ACO2: variants seen among roughly 807,000 people sequenced by gnomAD.
The protein encoded by ACO2 is aconitase 2, also known as aconitate hydratase, mitochondrial.
Under a neutral mutation model 84.5 loss-of-function variants are expected in ACO2, and 31 were observed. That is an observed-to-expected ratio of 0.37 (90% CI 0.28 to 0.50). The LOEUF (loss-of-function observed/expected upper bound fraction) is 0.50. Ranked by LOEUF, ACO2 falls within the 20% of genes least tolerant of loss-of-function variation. The pLI, the probability that ACO2 is intolerant of heterozygous loss-of-function variation, is 0.97. For missense variants in ACO2, 685 were observed against 1,029.3 expected, an observed-to-expected ratio of 0.67 and a Z score of 4.58; for synonymous variants, 414 against 412.7, an observed-to-expected ratio of 1.00 and a Z score of -0.04.
intron 9 of ACO2, 93 bp downstream of exon 9, chr22:41,520,369 C>T: frequency 1.0e-6 from 1 of 976,582 alleles, no homozygotes; most frequent in Non-Finnish European, 1.5e-6. Context: ...CTGTGTGGCA[C>T]TTTCTAAGGT....
intron 7 of ACO2, 42 bp from the exon 8 acceptor site, chr22:41,518,439 T>G (rs749239410): frequency 6.7e-7 from 1 of 1,500,780 alleles, no homozygotes; most frequent in Admixed American, 1.7e-5. Context: ...CAAGAACAGT[T>G]TATGTTTCAC....
chr22:41,472,711 G>A (rs1171022994), intron 1 of ACO2, among the ~76,000 whole-genome samples: 4 of 152,156 alleles, frequency 2.6e-5, no homozygotes, highest in African/African-American at 9.7e-5. Context: ...GCTTCCCAAA[G>A]TGCTGAGATT....
At chr22:41,517,475 TG>T in intron 6 of ACO2, 51 bp from the exon 7 acceptor site, 1 of 1,505,724 alleles carries the variant, frequency 6.6e-7, no homozygotes, top group Non-Finnish European at 9.2e-7. Flanking sequence ...AGCAGGTGTG[TG>T]GGACCCTGGC....
At chr22:41,472,352 C>CAA (rs1304914957) in intron 1 of ACO2, among the ~76,000 whole-genome samples, 18 of 74,194 alleles carry the variant, frequency 2.4e-4, no homozygotes, top group East Asian at 3.7e-4. Flanking sequence ...GACTCCGTCT[C>CAA]AAAAAAAAAA....
intron 1 of ACO2, among the ~76,000 whole-genome samples, chr22:41,498,515 G>A (rs1273041897): frequency 6.6e-6 from 1 of 152,150 alleles, no homozygotes; most frequent in Non-Finnish European, 1.5e-5. Flanking sequence ...GATGTCAGCC[G>A]GGGCTAGCCA....
chr22:41,507,683 C>T, intron 2 of ACO2, 108 bp from the exon 3 acceptor site: 1 of 1,469,278 alleles, frequency 6.8e-7, no homozygotes. Context: ...TTCAGACTCC[C>T]TGTCCCTGGC....
chr22:41,494,730 G>A (rs1010300680), intron 1 of ACO2, among the ~76,000 whole-genome samples: 7 of 150,280 alleles, frequency 4.7e-5, no homozygotes, highest in African/African-American at 1.7e-4. Context: ...ATCAACATAT[G>A]ATTTTGTCCT....
intron 2 of ACO2, among the ~76,000 whole-genome samples, chr22:41,504,219 G>C (rs566683892): frequency 1.5e-4 from 23 of 152,318 alleles, no homozygotes; most frequent in African/African-American, 5.5e-4. Flanking sequence ...CAGAGGAAGA[G>C]ACTCTGGCTC....
At chr22:41,525,172 C>G in intron 13 of ACO2, 21 bp from the exon 14 acceptor site, 2 of 1,611,872 alleles carry the variant, frequency 1.2e-6, no homozygotes, top group Non-Finnish European at 1.7e-6. Flanking sequence ...GCACCCCACG[C>G]ATCCCCATTC....
intron 9 of ACO2, among the ~76,000 whole-genome samples, chr22:41,521,035 CAA>C (rs375633363): frequency 1.2e-5 from 1 of 81,620 alleles, no homozygotes; most frequent in Non-Finnish European, 2.2e-5. Context: ...AGCCTGCCTC[CAA>C]AAAAAAAAAA....
Position 41,528,924 on chromosome 22 carries a change from G to A in ACO2, c.*311G>A, listed in dbSNP as rs2066663289. 2 of 510,506 alleles carry A rather than the reference G, an allele frequency of 3.9e-6. No individual in the cohort carries two copies. Among genetic ancestry groups the A allele is most frequent in the Admixed American group, 3.7e-5 (1 of 26,864 alleles). The allele number at this position is 510,506 out of a possible 1,614,324, so 31.6% of individuals were successfully genotyped here. On this transcript the variant is annotated 3_prime_UTR_variant, in exon 18 of 18. Transcript: ENST00000216254. ...CCTGATCATTTCATTGGTGGCTGAA[G>A]GATTCTAGAGAACCTTTTGTTCTTG... is the stretch of plus-strand genomic sequence containing the variant.
At chr22:41,487,633 CAAAG>C (rs1328393954) in intron 1 of ACO2, among the ~76,000 whole-genome samples, 5 of 152,028 alleles carry the variant, frequency 3.3e-5, no homozygotes, top group African/African-American at 4.8e-5. Flanking sequence ...ATCTGTCAAA[CAAAG>C]AAAAAATTCT....
chr22:41,482,791 G>GA (rs1466260604), intron 1 of ACO2, among the ~76,000 whole-genome samples: 1 of 152,210 alleles, frequency 6.6e-6, no homozygotes, highest in African/African-American at 2.4e-5. Context: ...TTACAGATGG[G>GA]AAAAATTGAT....
chr22:41,521,705 G>A (rs1463557192), intron 9 of ACO2: 1 of 151,668 alleles, frequency 6.6e-6, no homozygotes, highest in Non-Finnish European at 1.5e-5. Context: ...TTAATAATTA[G>A]AAAGTAAATT....
intron 2 of ACO2, among the ~76,000 whole-genome samples, chr22:41,504,147 T>A (rs766796057): frequency 2.6e-5 from 4 of 152,028 alleles, no homozygotes; most frequent in South Asian, 2.1e-4. Flanking sequence ...ACCCAGGAGG[T>A]GGATGTTGCA....
chr22:41,498,598 G>C (rs991883673), intron 1 of ACO2, among the ~76,000 whole-genome samples: 9 of 152,120 alleles, frequency 5.9e-5, no homozygotes, highest in African/African-American at 2.2e-4. Flanking sequence ...GGTGGTGCTG[G>C]TTATTGGCAA....
intron 15 of ACO2, 57 bp from the exon 16 acceptor site, chr22:41,527,217 GCAGGTAGGGCCAGA>G (rs560458565): frequency 6.2e-7 from 1 of 1,610,330 alleles, no homozygotes; most frequent in Non-Finnish European, 8.5e-7. Flanking sequence ...GTGAGGCCAG[GCAGGTAGGGCCAGA>G]CAGGTGAGGA....
intron 1 of ACO2, among the ~76,000 whole-genome samples, chr22:41,499,436 T>C (rs1236503231): frequency 6.6e-6 from 1 of 152,148 alleles, no homozygotes; most frequent in Admixed American, 6.5e-5. Context: ...CTCCTCTGGG[T>C]TTTAGTCAAT....
At position 41,524,900 on chromosome 22, in the gene ACO2, T is replaced by C. The variant is rs2066565833; in HGVS notation, c.1537T>C (p.Tyr513His). Residue 513 changes from tyrosine (Y) to histidine (H), a missense_variant, in exon 13 of 18, where the codon TAC becomes CAC. This residue lies in a region of ACO2 where 311 missense variants were observed against 441.6 expected (regional missense o/e 0.70). Coordinates refer to ENST00000216254, the MANE Select transcript of ACO2 (RefSeq NM_001098.3). ...GTLKFNPETDYLTGTDGKKFR... is the reference protein window; with the variant it reads ...GTLKFNPETDHLTGTDGKKFR... ...CCTCAAGTTCAACCCAGAGACCGAC[T>C]ACCTGACGGGCACGGATGGCAAGAA... The C allele has an allele frequency of 6.2e-7, 1 of 1,614,080 alleles. No homozygotes were observed. Among genetic ancestry groups the C allele is most frequent in the Non-Finnish European group, 8.5e-7 (1 of 1,180,032 alleles).
Sources: allele counts gnomAD v4.1 joint callset (sites outside exome capture counted in the v4.1 genomes callset), GRCh38; gene constraint gnomAD v4.1.1; regional missense constraint gnomAD v4.1.1; transcripts MANE v1.5; gene names NCBI Gene and HGNC (gene_info 2026-07-23, HGNC 2026-07-21).